RSPRY1: variants seen among roughly 807,000 people sequenced by gnomAD.
RSPRY1 encodes the protein ring finger and SPRY domain containing 1, also known as RING finger and SPRY domain-containing protein 1.
Under a neutral mutation model 73.1 loss-of-function variants are expected in RSPRY1, and 23 were observed. The ratio of observed to expected loss-of-function variants is 0.31; its 90% CI spans 0.23 to 0.45. RSPRY1 has a LOEUF of 0.45. Among genes scored for constraint, RSPRY1 ranks in the 20% least tolerant of loss-of-function variants. The probability of loss-of-function intolerance (pLI) is 1.00; values close to 1 mark genes in which losing one functional copy is unlikely to be tolerated. For synonymous variants in RSPRY1, 226 were observed against 251.4 expected, an observed-to-expected ratio of 0.90 and a Z score of 0.95; for missense variants, 448 against 698.7, an observed-to-expected ratio of 0.64 and a Z score of 4.05.
At chr16:57,195,498 G>A (rs955576879) in intron 1 of RSPRY1, among the ~76,000 whole-genome samples, 12 of 152,288 alleles carry the variant, frequency 7.9e-5, no homozygotes, top group African/African-American at 2.9e-4. Context: ...GGCAATGAGA[G>A]TGGAACTCCG....
At chr16:57,232,688 C>A (rs1220530511) in intron 13 of RSPRY1, among the ~76,000 whole-genome samples, 2 of 152,200 alleles carry the variant, frequency 1.3e-5, no homozygotes, top group African/African-American at 4.8e-5. Context: ...TTAACTGCTC[C>A]TGCAGAATTA....
chr16:57,237,754 C>T (rs1192428336), intron 14 of RSPRY1, among the ~76,000 whole-genome samples: 1 of 151,830 alleles, frequency 6.6e-6, no homozygotes, highest in Non-Finnish European at 1.5e-5. Context: ...CTCTGTCACC[C>T]AGGCTTGAGT....
intron 4 of RSPRY1, among the ~76,000 whole-genome samples, chr16:57,211,936 G>A (rs1248855201): frequency 2.0e-5 from 3 of 152,096 alleles, no homozygotes; most frequent in Admixed American, 6.5e-5. Context: ...CATTGTGGAC[G>A]GAAGGGGAAA....
At chr16:57,188,188 C>T (rs1290606840) in intron 1 of RSPRY1, among the ~76,000 whole-genome samples, 1 of 152,156 alleles carries the variant, frequency 6.6e-6, no homozygotes, top group East Asian at 1.9e-4. Context: ...CTTTATTTTT[C>T]CCCTTATGTG....
At chr16:57,208,889 G>C (rs1365501036) in intron 3 of RSPRY1, among the ~76,000 whole-genome samples, 186 bp from the exon 4 acceptor site, 1 of 152,070 alleles carries the variant, frequency 6.6e-6, no homozygotes, top group Non-Finnish European at 1.5e-5. Context: ...CCAGACTCCT[G>C]TAACTTAAGA....
intron 8 of RSPRY1, among the ~76,000 whole-genome samples, chr16:57,219,186 T>C (rs2074994636): frequency 6.6e-6 from 1 of 152,228 alleles, no homozygotes; most frequent in African/African-American, 2.4e-5. Context: ...AGCAGCAGAA[T>C]TGCCGGATCA....
chr16:57,200,331 C>T (rs1436208910), intron 1 of RSPRY1, among the ~76,000 whole-genome samples: 3 of 151,648 alleles, frequency 2.0e-5, no homozygotes, highest in Admixed American at 6.6e-5. Flanking sequence ...GGCAACCATC[C>T]GATTTCTCAA....
At chr16:57,212,165 T>C (rs953083467) in intron 4 of RSPRY1, among the ~76,000 whole-genome samples, 2 of 152,068 alleles carry the variant, frequency 1.3e-5, no homozygotes, top group Non-Finnish European at 2.9e-5. Flanking sequence ...ATTAAAATTA[T>C]CTGGGCACTG....
chr16:57,202,811 C>T (rs1251564887), intron 1 of RSPRY1, among the ~76,000 whole-genome samples: 1 of 150,500 alleles, frequency 6.6e-6, no homozygotes, highest in Non-Finnish European at 1.5e-5. Context: ...TTGTTCCATC[C>T]CATTCCATTC....
At chr16:57,198,485 C>T (rs1170008323) in intron 1 of RSPRY1, among the ~76,000 whole-genome samples, 2 of 152,066 alleles carry the variant, frequency 1.3e-5, no homozygotes, top group African/African-American at 4.8e-5. Flanking sequence ...ATTTAAGATC[C>T]AACAAACCTC....
chr16:57,233,890 C>G (rs1167913044), intron 13 of RSPRY1, among the ~76,000 whole-genome samples: 1 of 152,124 alleles, frequency 6.6e-6, no homozygotes, highest in African/African-American at 2.4e-5. Flanking sequence ...TTTGTCTTGC[C>G]CTCTACCTTG....
At chr16:57,192,857 A>G (rs1406927469) in intron 1 of RSPRY1, among the ~76,000 whole-genome samples, 1 of 151,644 alleles carries the variant, frequency 6.6e-6, no homozygotes, top group Non-Finnish European at 1.5e-5. Flanking sequence ...GCTGGACTAT[A>G]GGGTCCAAGC....
chr16:57,192,580 GA>G (rs1159363191), intron 1 of RSPRY1, among the ~76,000 whole-genome samples: 1 of 152,048 alleles, frequency 6.6e-6, no homozygotes, highest in Non-Finnish European at 1.5e-5. Flanking sequence ...ATGCTGAAAG[GA>G]TTTGTCTTTT....
rs757517174 is a variant in RSPRY1, at chr16:57,208,043, A to G, written c.351-15A>G. The G allele has an allele frequency of 6.5e-7, 1 of 1,546,598 alleles. No homozygotes were observed. Among genetic ancestry groups the G allele is most frequent in the East Asian group, 2.3e-5 (1 of 44,346 alleles). On this transcript the variant is annotated splice_polypyrimidine_tract_variant and intron_variant, in intron 2 of 14. Coordinates refer to ENST00000394420, the MANE Select transcript of RSPRY1 (RefSeq NM_133368.3). ...TTATTTCCTCAGGTTTAATGCCTTG[A>G]ATTTTTTTTTCCAGTGATCAGGAAC... is the stretch of plus-strand genomic sequence containing the variant.
Position 57,208,378 on chromosome 16 carries a change from A to T in RSPRY1, c.403+268A>T, listed in dbSNP as rs13333086. Among the ~76,000 whole-genome samples the T allele has an allele frequency of 4.7e-3, 413 of 87,508 alleles. 3 individuals are homozygous for T. Among genetic ancestry groups the T allele is most frequent in the African/African-American group, 0.014 (293 of 20,288 alleles). 57.4% of individuals were successfully genotyped at this position (87,508 alleles called of 152,430 possible). A position where few individuals can be genotyped will look rare whatever the true frequency, so the allele number is the denominator to read the frequency against. On this transcript the variant is annotated intron_variant, in intron 3 of 14. Coordinates refer to ENST00000394420, the MANE Select transcript of RSPRY1 (RefSeq NM_133368.3). ...TTCTGGAATGGAGAGGAGATTATTT[A>T]TATATATATATATATATATATATTT...
At chr16:57,189,390 G>A (rs928782894) in intron 1 of RSPRY1, among the ~76,000 whole-genome samples, 26 of 151,798 alleles carry the variant, frequency 1.7e-4, no homozygotes, top group African/African-American at 6.3e-4. Flanking sequence ...TTTTCATTTA[G>A]TAAGTATCAA....
chr16:57,208,174 CT>C lies in RSPRY1; in HGVS notation c.403+68del, dbSNP rs138358471. On this transcript the variant is annotated intron_variant, in intron 3 of 14. Transcript: ENST00000394420. Reference sequence around the variant, plus strand: ...TATAATAATGAAGAAAAGTAGCCACCTTTTGTTTTTTGTTTTGTTTTGTTTT... The same window carrying C: ...TATAATAATGAAGAAAAGTAGCCACCTTTGTTTTTTGTTTTGTTTTGTTTT... 2,149 of 1,039,464 alleles carry C rather than the reference CT, an allele frequency of 2.1e-3. 20 individuals are homozygous for C. The African/African-American group carries it at 0.03, about 15-fold the overall frequency. The allele number at this position is 1,039,464 out of a possible 1,614,324, so 64.4% of individuals were successfully genotyped here.
At position 57,239,305 on chromosome 16, in the gene RSPRY1, G is replaced by T. The variant is rs1199439234; in HGVS notation, c.*330G>T. 6.1e-6 allele frequency: 1 copy of T among 163,124 alleles called. No individual in the cohort carries two copies. Among genetic ancestry groups the T allele is most frequent in the Non-Finnish European group, 1.3e-5 (1 of 75,182 alleles). 10.1% of individuals were successfully genotyped at this position (163,124 alleles called of 1,614,324 possible). ...TCCCCCTTGTTGGGTTCATTTGATTGTTTAACACAGGATGTGTTGTGTCAT... is the reference window on the plus strand; with the variant it reads ...TCCCCCTTGTTGGGTTCATTTGATTTTTTAACACAGGATGTGTTGTGTCAT... On this transcript the variant is annotated 3_prime_UTR_variant, in exon 15 of 15. Coordinates refer to ENST00000394420, the MANE Select transcript of RSPRY1 (RefSeq NM_133368.3).
At chr16:57,196,038 T>A (rs867070763) in intron 1 of RSPRY1, among the ~76,000 whole-genome samples, 2,591 of 140,504 alleles carry the variant, frequency 0.018, 89 homozygotes, top group African/African-American at 0.063. Flanking sequence ...AAAAAAAATA[T>A]ATATATATAT....
Sources: gnomAD v4.1 joint callset for allele counts (sites outside exome capture counted in the v4.1 genomes callset) on GRCh38, gnomAD v4.1.1 for gene constraint, MANE v1.5 for transcripts, NCBI Gene and HGNC (gene_info 2026-07-23, HGNC 2026-07-21) for gene names.